ZFPM1: variants seen among roughly 807,000 people sequenced by gnomAD.
ZFPM1 encodes zinc finger protein, FOG family member 1.
A neutral mutation model predicts 46.3 loss-of-function variants in ZFPM1; 28 were observed. That is an observed-to-expected ratio of 0.60 (90% confidence interval 0.45 to 0.83). The LOEUF (loss-of-function observed/expected upper bound fraction) is 0.83, where lower values mean the gene tolerates loss of function less well. Among genes scored for constraint, ZFPM1 ranks in the 40% least tolerant of loss-of-function variants. The pLI, the probability that ZFPM1 is intolerant of heterozygous loss-of-function variation, is 0.00. For missense variants in ZFPM1, 1,878 were observed against 1,432.4 expected (o/e 1.31, Z -5.02); for synonymous variants, 957 against 675.9 (o/e 1.42, Z -6.45).
At chr16:88,493,443 A>G (rs74035506) in intron 3 of ZFPM1, among the ~76,000 whole-genome samples, 18,203 of 111,880 alleles carry the variant, frequency 0.16, 1,974 homozygotes, top group East Asian at 0.26. Context: ...CGGGGTACGG[A>G]GAGCTGTCCC....
chr16:88,492,882 T>A (rs1909657769), intron 3 of ZFPM1, among the ~76,000 whole-genome samples: 1 of 152,104 alleles, frequency 6.6e-6, no homozygotes, highest in Non-Finnish European at 1.5e-5. Flanking sequence ...GCTGCACACA[T>A]AAGTGAGTTC....
chr16:88,475,832 G>A (rs190056873), intron 1 of ZFPM1, among the ~76,000 whole-genome samples: 3 of 152,318 alleles, frequency 2.0e-5, no homozygotes, highest in Non-Finnish European at 2.9e-5. Context: ...GGACGCACGC[G>A]TGCAGGAGGA....
In ZFPM1 at chr16:88,535,074, C is replaced by G. The variant is rs1051473691; in HGVS notation, c.*95C>G. The stretch of plus-strand genomic sequence containing the variant: ...CGCACGGACTGCCGCTCCTGGGAAC[C>G]CCGCCACGCACAGGCCTCGGCGGAG... On this transcript the variant is annotated 3_prime_UTR_variant, in exon 10 of 10. Transcript: ENST00000319555. The G allele has an allele frequency of 1.7e-5, 22 of 1,324,046 alleles. No individual in the cohort carries two copies. The highest frequency in any genetic ancestry group is 3.0e-5 in the African/African-American group (2 of 65,908). The allele number at this position is 1,324,046 out of a possible 1,614,324, so 82.0% of individuals were successfully genotyped here.
At chr16:88,466,221 T>C (rs1334885571) in intron 1 of ZFPM1, among the ~76,000 whole-genome samples, 2 of 152,188 alleles carry the variant, frequency 1.3e-5, no homozygotes, top group East Asian at 3.8e-4. Context: ...CCCCCAGTTG[T>C]AGTGATCCTG....
Position 88,536,461 on chromosome 16 carries a change from A to G in ZFPM1, c.*1482A>G, listed in dbSNP as rs954205447. On this transcript the variant is annotated 3_prime_UTR_variant, in exon 10 of 10. Coordinates refer to ENST00000319555, the MANE Select transcript of ZFPM1 (RefSeq NM_153813.3). ...AACATTAGGATGACAGGCGCGAGCT[A>G]CCATTCCCAGCCCATTTCCAACTCT... 1.2e-4 allele frequency: 19 copies of G among 152,236 alleles called. No homozygotes were observed. Among genetic ancestry groups the G allele is most frequent in the African/African-American group, 4.6e-4 (19 of 41,450 alleles). The allele number at this position is 152,236 out of a possible 1,614,324, so 9.4% of individuals were successfully genotyped here. A position where few individuals can be genotyped will look rare whatever the true frequency, so the allele number is the denominator to read the frequency against.
In ZFPM1 at chr16:88,533,570, C is replaced by A. The variant is rs1230502485; in HGVS notation, c.1612C>A (p.Pro538Thr). 2 of 1,495,898 alleles carry A rather than the reference C, an allele frequency of 1.3e-6. No homozygotes were observed. Among genetic ancestry groups the A allele is most frequent in the Non-Finnish European group, 1.8e-6 (2 of 1,123,718 alleles). The allele number at this position is 1,495,898 out of a possible 1,614,324, so 92.7% of individuals were successfully genotyped here. A position where few individuals can be genotyped will look rare whatever the true frequency, so the allele number is the denominator to read the frequency against. Residue 538 changes from proline (P) to threonine (T), a missense_variant, in exon 10 of 10, where the codon CCC (proline) becomes ACC (threonine). By Grantham distance (38) the Pro-to-Thr change is conservative. Transcript: ENST00000319555. ...QYVFGPDAAPPASEILAKMSE... is the reference protein window; with the variant it reads ...QYVFGPDAAPTASEILAKMSE... Reference sequence around the variant, plus strand: ...CGTGTTCGGGCCCGACGCGGCGCCCCCCGCCTCGGAGATCCTGGCCAAGAT... The same window carrying A: ...CGTGTTCGGGCCCGACGCGGCGCCCACCGCCTCGGAGATCCTGGCCAAGAT...
intron 3 of ZFPM1, among the ~76,000 whole-genome samples, chr16:88,501,076 A>C (rs112765206): frequency 7.9e-6 from 1 of 126,080 alleles, no homozygotes; most frequent in Non-Finnish European, 1.7e-5. Flanking sequence ...GCGGTCATGG[A>C]TGCGGGGGCC....
At chr16:88,487,382 G>C (rs1046567221) in intron 2 of ZFPM1, among the ~76,000 whole-genome samples, 1 of 152,248 alleles carries the variant, frequency 6.6e-6, no homozygotes, top group Admixed American at 6.5e-5. Flanking sequence ...CCAACGTGGA[G>C]GGGATGTGGC....
Position 88,486,048 on chromosome 16 carries a change from G to A in ZFPM1, c.145+5G>A, listed in dbSNP as rs1284056190. On this transcript the variant is annotated splice_donor_5th_base_variant and intron_variant, in intron 2 of 9. Transcript: ENST00000319555. Reference sequence around the variant, plus strand: ...CCCCGAGCCCTCCCAGCGCAGGTGAGTCAGACTGAGCCCTCTCACCGCGCC... The same window carrying A: ...CCCCGAGCCCTCCCAGCGCAGGTGAATCAGACTGAGCCCTCTCACCGCGCC... 17 of 1,610,036 alleles carry A rather than the reference G, an allele frequency of 1.1e-5. No individual in the cohort carries two copies. The highest frequency in any genetic ancestry group is 1.4e-5 in the Non-Finnish European group (17 of 1,179,058).
chr16:88,517,721 G>A (rs997508674), intron 4 of ZFPM1, among the ~76,000 whole-genome samples: 1 of 143,010 alleles, frequency 7.0e-6, no homozygotes, highest in African/African-American at 2.5e-5. Flanking sequence ...TGGGTGGGTG[G>A]ATAGATGGAT....
At chr16:88,508,638 G>A (rs759399425) in intron 3 of ZFPM1, among the ~76,000 whole-genome samples, 3 of 152,226 alleles carry the variant, frequency 2.0e-5, no homozygotes, top group South Asian at 2.1e-4. Context: ...TCTGCCTCCC[G>A]TAGGTGGCTG....
At chr16:88,501,041 G>A (rs796958492) in intron 3 of ZFPM1, among the ~76,000 whole-genome samples, 1 of 147,868 alleles carries the variant, frequency 6.8e-6, no homozygotes, top group Non-Finnish European at 1.5e-5. Flanking sequence ...GGGAAACTGA[G>A]ACACCACTGC....
At chr16:88,517,852 G>A (rs1409765001) in intron 4 of ZFPM1, among the ~76,000 whole-genome samples, 1 of 151,856 alleles carries the variant, frequency 6.6e-6, no homozygotes, top group Non-Finnish European at 1.5e-5. Context: ...GTGGGTGAGT[G>A]GGTAAAGGAG....
chr16:88,533,755 C>T lies in ZFPM1; in HGVS notation c.1797C>T (p.Tyr599=), dbSNP rs746106945. 3 of 1,451,820 alleles carry T rather than the reference C, an allele frequency of 2.1e-6. No individual in the cohort carries two copies. In the Admixed American group the frequency reaches 6.8e-5, roughly 33 times the overall value. The allele number at this position is 1,451,820 out of a possible 1,614,324, so 89.9% of individuals were successfully genotyped here. A position where few individuals can be genotyped will look rare whatever the true frequency, so the allele number is the denominator to read the frequency against. The change falls in exon 10 of 10, where the codon TAC becomes TAT. Residue 599 remains tyrosine, a synonymous_variant. Coordinates refer to ENST00000319555, the MANE Select transcript of ZFPM1 (RefSeq NM_153813.3). ...ACTACTACGTGCACAAGCGCCTCTA[C>T]TGTTCAGGCCGCCGTGCGCCCGAGG... ...VNNYYVHKRL[Y]CSGRRAPEDA... is the part of the protein sequence containing the mutation.
At chr16:88,461,944 G>A (rs534239082) in intron 1 of ZFPM1, among the ~76,000 whole-genome samples, 7 of 152,346 alleles carry the variant, frequency 4.6e-5, no homozygotes, top group African/African-American at 1.7e-4. Context: ...GGACCCTGGG[G>A]GTGGGCCCAG....
chr16:88,515,222 A>G (rs758380697), intron 4 of ZFPM1, among the ~76,000 whole-genome samples: 6 of 152,228 alleles, frequency 3.9e-5, no homozygotes, highest in Non-Finnish European at 7.4e-5. Context: ...CATGGGCGGC[A>G]TAGGGTCTGG....
intron 4 of ZFPM1, among the ~76,000 whole-genome samples, chr16:88,525,606 A>G (rs1332843181): frequency 6.6e-6 from 1 of 152,242 alleles, no homozygotes; most frequent in Non-Finnish European, 1.5e-5. Context: ...CCACCAGTGC[A>G]GTGAGCAGCA....
chr16:88,464,053 C>A (rs1018891724), intron 1 of ZFPM1, among the ~76,000 whole-genome samples: 3 of 152,228 alleles, frequency 2.0e-5, no homozygotes, highest in Non-Finnish European at 4.4e-5. Context: ...TTGTTCTATA[C>A]CCCGTGGTCC....
At chr16:88,516,346 C>A (rs1418905186) in intron 4 of ZFPM1, 3 of 397,702 alleles carry the variant, frequency 7.5e-6, no homozygotes, top group Non-Finnish European at 1.3e-5. Context: ...CCTGCTCTGG[C>A]CTAGGGCACA....
Sources: allele counts gnomAD v4.1 joint callset (sites outside exome capture counted in the v4.1 genomes callset), GRCh38; gene constraint gnomAD v4.1.1; transcripts MANE v1.5; gene names NCBI Gene and HGNC (gene_info 2026-07-23, HGNC 2026-07-21).